GNB5: variants seen among roughly 807,000 people sequenced by gnomAD.
The protein encoded by GNB5 is guanine nucleotide-binding protein subunit beta-5.
A neutral mutation model predicts 55.3 loss-of-function variants in GNB5; 37 were observed. The observed-to-expected ratio is 0.67, with a 90% CI of 0.51 to 0.88. The LOEUF is 0.88. GNB5 is among the 40% of genes least tolerant of loss of function. The probability of loss-of-function intolerance (pLI) is 0.00; values close to 1 mark genes in which losing one functional copy is unlikely to be tolerated. For synonymous variants in GNB5, 219 were observed against 198.5 expected, an observed-to-expected ratio of 1.10 and a Z score of -0.87; for missense variants, 476 against 515.3, an observed-to-expected ratio of 0.92 and a Z score of 0.74.
intron 3 of GNB5, chr15:52,162,831 T>C (rs991866825): frequency 2.0e-5 from 3 of 152,094 alleles, no homozygotes; most frequent in African/African-American, 7.2e-5. Context: ...CCACTCCCAC[T>C]GCTTCACTTG....
intron 4 of GNB5, 58 bp downstream of exon 4, chr15:52,153,881 TC>T: frequency 6.8e-7 from 1 of 1,480,548 alleles, no homozygotes. Flanking sequence ...ACAGCTCTCC[TC>T]CCCCTTAGCT....
chr15:52,187,975 T>TAA (rs1566952995), intron 1 of GNB5, among the ~76,000 whole-genome samples: 1 of 146,308 alleles, frequency 6.8e-6, no homozygotes, highest in Non-Finnish European at 1.5e-5. Flanking sequence ...TAAAAATAAA[T>TAA]AAATAAATAA....
intron 9 of GNB5, among the ~76,000 whole-genome samples, chr15:52,132,490 T>A (rs1241401813): frequency 6.8e-5 from 10 of 146,086 alleles, no homozygotes; most frequent in Non-Finnish European, 7.7e-5. Context: ...TTGTTTGGGT[T>A]TTTTTTTTTT....
At chr15:52,128,308 T>C in intron 9 of GNB5, 64 bp from the exon 10 acceptor site, 2 of 991,730 alleles carry the variant, frequency 2.0e-6, no homozygotes, top group Admixed American at 1.8e-5. Flanking sequence ...ATCAGAACCA[T>C]GCTAGGCCCT....
intron 3 of GNB5, among the ~76,000 whole-genome samples, chr15:52,160,563 CTT>C (rs1168531093): frequency 1.3e-5 from 2 of 152,180 alleles, no homozygotes; most frequent in Non-Finnish European, 2.9e-5. Context: ...ATGGTTTTGT[CTT>C]GATTGCCTTT....
At chr15:52,149,097 G>T (rs1355880563) in intron 5 of GNB5, among the ~76,000 whole-genome samples, 1 of 152,150 alleles carries the variant, frequency 6.6e-6, no homozygotes, top group Non-Finnish European at 1.5e-5. Context: ...TTAGGGACTC[G>T]ACTCTACAAA....
intron 1 of GNB5, among the ~76,000 whole-genome samples, chr15:52,187,719 C>A (rs1170669674): frequency 2.6e-5 from 4 of 152,064 alleles, no homozygotes. Flanking sequence ...GAGGCCAAGG[C>A]GGGTGGATCA....
rs2033366067 is a variant in GNB5, at chr15:52,124,453, CAG to C, written c.1176+18_1176+19del. The C allele has an allele frequency of 6.3e-7, 1 of 1,599,386 alleles. No individual in the cohort carries two copies. Among genetic ancestry groups the C allele is most frequent in the African/African-American group, 1.3e-5 (1 of 74,468 alleles). On this transcript the variant is annotated intron_variant, in intron 12 of 12. Coordinates refer to ENST00000261837, the MANE Select transcript of GNB5 (RefSeq NM_016194.4). ...CTCTCTCCTCTCACACACAGGAAAA[CAG>C]AAAACCATCCCTCTTACTCTGAGGG...
intron 11 of GNB5, 55 bp from the exon 12 acceptor site, chr15:52,124,694 C>T: frequency 6.9e-7 from 1 of 1,439,680 alleles, no homozygotes; most frequent in East Asian, 2.3e-5. Context: ...TCCTGTTTCT[C>T]ATTACATGAC....
In GNB5 at chr15:52,161,841, T is replaced by C. The variant is rs144912401; in HGVS notation, c.239-7765A>G. On this transcript the variant is annotated intron_variant, in intron 3 of 12. Transcript: ENST00000261837. ...GGTCCCAACTGGATGGCACTTAGAG[T>C]TGGATAACCATGTGGACCGGTAGTC... Among the ~76,000 whole-genome samples the C allele has an allele frequency of 1.5e-3, 222 of 152,182 alleles. 2 individuals carry two copies. The highest frequency in any genetic ancestry group is 5.0e-3 in the African/African-American group (207 of 41,526).
chr15:52,134,978 C>T (rs182767678), intron 8 of GNB5, among the ~76,000 whole-genome samples: 5 of 152,078 alleles, frequency 3.3e-5, no homozygotes, highest in East Asian at 3.9e-4. Context: ...CAACTTATAG[C>T]GGATGCGACT....
At chr15:52,162,537 G>C (rs2034357103) in intron 3 of GNB5, among the ~76,000 whole-genome samples, 4 of 152,178 alleles carry the variant, frequency 2.6e-5, no homozygotes, top group African/African-American at 9.7e-5. Context: ...AAGAAGACAA[G>C]CGAAATGTCT....
At position 52,146,736 on chromosome 15, in the gene GNB5, A is replaced by AT. The variant is rs60737688; in HGVS notation, c.494+722dup. 1.9e-3 allele frequency among the ~76,000 whole-genome samples: 208 copies of AT among 110,898 alleles called. 2 individuals are homozygous for AT. Among genetic ancestry groups the AT allele is most frequent in the Middle Eastern group, 4.4e-3 (1 of 226 alleles). 72.8% of individuals were successfully genotyped at this position (110,898 alleles called of 152,430 possible). ...TATACCACCACACCCAGCTAATTAG[A>AT]TTTTTTTTTTTTTTTTTTTTTTCTG... On this transcript the variant is annotated intron_variant, in intron 6 of 12. Coordinates refer to ENST00000261837, the MANE Select transcript of GNB5 (RefSeq NM_016194.4).
At chr15:52,131,607 A>C (rs1384214914) in intron 9 of GNB5, among the ~76,000 whole-genome samples, 1 of 152,194 alleles carries the variant, frequency 6.6e-6, no homozygotes, top group Non-Finnish European at 1.5e-5. Flanking sequence ...TACTATCTGT[A>C]GTAATTTTCA....
At chr15:52,158,465 G>A (rs575181060) in intron 3 of GNB5, among the ~76,000 whole-genome samples, 1 of 152,192 alleles carries the variant, frequency 6.6e-6, no homozygotes, top group East Asian at 1.9e-4. Context: ...GCAGTCTTTG[G>A]TGGGCGAACA....
In GNB5 at chr15:52,178,378, A is replaced by T. The variant is rs117803656; in HGVS notation, c.238+1390T>A. Among the ~76,000 whole-genome samples, 344 of 152,328 alleles carry T rather than the reference A, an allele frequency of 2.3e-3. 2 individuals are homozygous for T. Among genetic ancestry groups the T allele is most frequent in the Non-Finnish European group, 4.0e-3 (274 of 68,026 alleles). On this transcript the variant is annotated intron_variant, in intron 3 of 12. Coordinates refer to ENST00000261837, the MANE Select transcript of GNB5 (RefSeq NM_016194.4). ...AAAACTTTTGCTTTGCTTTCTTGAT[A>T]GGGAGCAAAGAGAGATTGGTGTCCA... is the stretch of plus-strand genomic sequence containing the variant.
chr15:52,156,291 C>T (rs907186578), intron 3 of GNB5, among the ~76,000 whole-genome samples: 4 of 152,218 alleles, frequency 2.6e-5, no homozygotes, highest in Non-Finnish European at 5.9e-5. Flanking sequence ...TTCCAAGCTT[C>T]CGTTGTTCCT....
Position 52,135,652 on chromosome 15 carries a change from G to A in GNB5, c.732C>T (p.Asp244=), listed in dbSNP as rs140935430. The A allele has an allele frequency of 2.5e-5, 41 of 1,613,742 alleles. No individual in the cohort carries two copies. In the African/African-American group the frequency reaches 5.2e-4, roughly 20 times the overall value. Reference sequence around the variant, plus strand: ...TGTTTCCAGTTTCTGAGGGGGCCAGGTCCAAGCAGAGGACGTCAGCCCCAT... The same window carrying A: ...TGTTTCCAGTTTCTGAGGGGGCCAGATCCAAGCAGAGGACGTCAGCCCCAT... ...HGHGADVLCL[D]LAPSETGNTF... is the part of the protein sequence containing the mutation. Residue 244 remains aspartate (D), a synonymous_variant, in exon 8 of 13, where the codon GAC becomes GAT. Coordinates refer to ENST00000261837, the MANE Select transcript of GNB5 (RefSeq NM_016194.4).
At position 52,178,707 on chromosome 15, in the gene GNB5, G is replaced by A. The variant is rs1365857421; in HGVS notation, c.238+1061C>T. Among the ~76,000 whole-genome samples, 5 of 152,170 alleles carry A rather than the reference G, an allele frequency of 3.3e-5. No homozygotes were observed. In the East Asian group the frequency reaches 5.8e-4, roughly 18 times the overall value. On this transcript the variant is annotated intron_variant, in intron 3 of 12. Transcript: ENST00000261837. Reference sequence around the variant, plus strand: ...GCCTCCTATTTAAAGAAGACCCCTAGGAAAGCACAGCACACGCTAGATCCA... The same window carrying A: ...GCCTCCTATTTAAAGAAGACCCCTAAGAAAGCACAGCACACGCTAGATCCA...
Sources: gnomAD v4.1 joint callset for allele counts (sites outside exome capture counted in the v4.1 genomes callset) on GRCh38, gnomAD v4.1.1 for gene constraint, MANE v1.5 for transcripts, NCBI Gene and HGNC (gene_info 2026-07-23, HGNC 2026-07-21) for gene names.